NDRG1: variants seen among roughly 807,000 people sequenced by gnomAD.
NDRG1 encodes protein NDRG1.
A neutral mutation model predicts 56.9 loss-of-function variants in NDRG1; 32 were observed. That is an observed-to-expected ratio of 0.56 (90% CI 0.42 to 0.76). The LOEUF is 0.76. NDRG1 is among the 30% of genes least tolerant of loss of function. NDRG1 has a pLI of 0.00. For synonymous variants in NDRG1, 211 were observed against 204.1 expected (o/e 1.03, Z -0.29); for missense variants, 507 against 545.7 (o/e 0.93, Z 0.71).
At chr8:133,242,278 T>C (rs1353931910) in intron 14 of NDRG1, among the ~76,000 whole-genome samples, 2 of 152,148 alleles carry the variant, frequency 1.3e-5, no homozygotes, top group African/African-American at 4.8e-5. Context: ...CTTGGACAAG[T>C]TACATGACCT....
At chr8:133,249,923 C>T (rs939813238) in intron 10 of NDRG1, among the ~76,000 whole-genome samples, 3 of 152,198 alleles carry the variant, frequency 2.0e-5, no homozygotes, top group Non-Finnish European at 2.9e-5. Context: ...CTGGCTGACA[C>T]CAATGGCCCT....
At chr8:133,290,690 C>T (rs1437041169) in intron 1 of NDRG1, among the ~76,000 whole-genome samples, 1 of 152,204 alleles carries the variant, frequency 6.6e-6, no homozygotes, top group Non-Finnish European at 1.5e-5. Flanking sequence ...TCTCCTCCAC[C>T]CTGCAGTCAC....
chr8:133,280,116 C>T (rs1238526881), intron 3 of NDRG1, 116 bp downstream of exon 3: 1 of 1,284,830 alleles, frequency 7.8e-7, no homozygotes, highest in Non-Finnish European at 1.1e-6. Flanking sequence ...AGACCACTGC[C>T]TTCTCTCCCC....
intron 3 of NDRG1, among the ~76,000 whole-genome samples, chr8:133,278,456 C>T (rs1857580328): frequency 6.6e-6 from 1 of 152,138 alleles, no homozygotes; most frequent in Admixed American, 6.5e-5. Flanking sequence ...CCTCCTGGAG[C>T]ACCTTCGCAT....
intron 3 of NDRG1, among the ~76,000 whole-genome samples, chr8:133,267,762 C>A (rs1182887938): frequency 6.6e-6 from 1 of 152,160 alleles, no homozygotes; most frequent in Admixed American, 6.5e-5. Flanking sequence ...CAAGTCCTAC[C>A]ACTCCCCAAC....
intron 10 of NDRG1, chr8:133,249,353 A>G: frequency 6.2e-6 from 1 of 161,984 alleles, no homozygotes; most frequent in East Asian, 1.7e-4. Flanking sequence ...TGCAGCTCCC[A>G]ACATGAGAAG....
intron 12 of NDRG1, 79 bp downstream of exon 12, chr8:133,247,796 A>G (rs1855769949): frequency 2.1e-6 from 3 of 1,454,372 alleles, no homozygotes; most frequent in Non-Finnish European, 2.9e-6. Context: ...GAGGAGGGGC[A>G]GGCAGGGCCA....
chr8:133,237,539 G>A lies in NDRG1; in HGVS notation c.*1339C>T, dbSNP rs539924589. On this transcript the variant is annotated 3_prime_UTR_variant, in exon 16 of 16. Transcript: ENST00000323851. ...GCAGTAGTACAGGAACCTGGCAGCC[G>A]CACTGGCCGCCCAGAAACGTCAGTG... is the stretch of plus-strand genomic sequence containing the variant. 1.5e-4 allele frequency: 36 copies of A among 232,998 alleles called. No individual in the cohort carries two copies. The highest frequency in any genetic ancestry group is 1.4e-3 in the East Asian group (24 of 16,552). 14.4% of individuals were successfully genotyped at this position (232,998 alleles called of 1,614,324 possible). A position where few individuals can be genotyped will look rare whatever the true frequency, so the allele number is the denominator to read the frequency against.
At chr8:133,267,881 G>A (rs1856998130) in intron 3 of NDRG1, among the ~76,000 whole-genome samples, 1 of 152,202 alleles carries the variant, frequency 6.6e-6, no homozygotes, top group African/African-American at 2.4e-5. Flanking sequence ...GCACCAGGCA[G>A]GATGGGGACT....
At chr8:133,279,600 C>T (rs868689991) in intron 3 of NDRG1, among the ~76,000 whole-genome samples, 16 of 152,336 alleles carry the variant, frequency 1.1e-4, no homozygotes, top group South Asian at 4.1e-4. Flanking sequence ...ACCACAAGCT[C>T]GCCATATGCT....
chr8:133,296,314 C>T (rs920926123), intron 1 of NDRG1, among the ~76,000 whole-genome samples: 4 of 152,160 alleles, frequency 2.6e-5, no homozygotes, highest in Admixed American at 6.5e-5. Context: ...CTCCAGCCAG[C>T]TCAAGGGGCC....
chr8:133,291,129 T>C (rs34318577), intron 1 of NDRG1, among the ~76,000 whole-genome samples: 5,012 of 152,234 alleles, frequency 0.033, 128 homozygotes, highest in African/African-American at 0.058. Flanking sequence ...CAGGCGGGAA[T>C]TGCTGACAAG....
At chr8:133,276,888 A>C (rs751038164) in intron 3 of NDRG1, among the ~76,000 whole-genome samples, 3 of 152,206 alleles carry the variant, frequency 2.0e-5, no homozygotes, top group Non-Finnish European at 4.4e-5. Flanking sequence ...ATCTGTACAC[A>C]TGTTCACAGC....
At chr8:133,276,671 C>T (rs1240823007) in intron 3 of NDRG1, among the ~76,000 whole-genome samples, 5 of 152,248 alleles carry the variant, frequency 3.3e-5, no homozygotes, top group South Asian at 4.1e-4. Context: ...CCATGTAAGG[C>T]GTGCCTTGGT....
intron 8 of NDRG1, chr8:133,254,834 A>C: frequency 1.8e-6 from 1 of 560,090 alleles, no homozygotes; most frequent in East Asian, 3.0e-5. Flanking sequence ...AGGCCCATGC[A>C]CAAGATGCAC....
intron 3 of NDRG1, chr8:133,265,111 C>G: frequency 4.0e-6 from 1 of 248,870 alleles, no homozygotes; most frequent in Non-Finnish European, 8.1e-6. Context: ...CTTCAGGAAC[C>G]CACCCAACCC....
At chr8:133,246,378 A>G (rs1221814744) in intron 13 of NDRG1, among the ~76,000 whole-genome samples, 1 of 152,152 alleles carries the variant, frequency 6.6e-6, no homozygotes, top group Admixed American at 6.5e-5. Flanking sequence ...TCTATCCCCA[A>G]AGCCCCCAGA....
At position 133,239,090 on chromosome 8, in the gene NDRG1, G is replaced by A. The variant is rs141078746; in HGVS notation, c.973C>T (p.Arg325Trp). Residue 325 changes from arginine to tryptophan, a missense_variant, in exon 16 of 16, where the codon CGG (arginine) becomes TGG (tryptophan). Physicochemically the swap from Arg to Trp is moderately radical, Grantham distance 101. Transcript: ENST00000323851. ...MPSASMTRLM[R>W]SRTASGSSVT... ...CTGGAACCAGAGGCTGTGCGGGACCGCATCAGGCGGGTCATGCTAGCCGAG... is the reference window on the plus strand; with the variant it reads ...CTGGAACCAGAGGCTGTGCGGGACCACATCAGGCGGGTCATGCTAGCCGAG... 1.4e-4 allele frequency: 218 copies of A among 1,567,044 alleles called. No homozygotes were observed. The highest frequency in any genetic ancestry group is 4.0e-5 in the African/African-American group (3 of 74,206).
chr8:133,285,969 C>A (rs1858091691), intron 1 of NDRG1, among the ~76,000 whole-genome samples: 1 of 152,180 alleles, frequency 6.6e-6, no homozygotes, highest in Non-Finnish European at 1.5e-5. Flanking sequence ...CCTGCCAACG[C>A]CACCCCTCAT....
Sources: gnomAD v4.1 joint callset for allele counts (sites outside exome capture counted in the v4.1 genomes callset) on GRCh38, gnomAD v4.1.1 for gene constraint, MANE v1.5 for transcripts, NCBI Gene and HGNC (gene_info 2026-07-23, HGNC 2026-07-21) for gene names.